Variants in CCDC88A observed in about 807,000 individuals in gnomAD.
CCDC88A encodes girdin.
CCDC88A carries 54 observed loss-of-function variants against 234.3 expected under a neutral mutation model. The ratio of observed to expected loss-of-function variants is 0.23; its 90% CI spans 0.19 to 0.29. CCDC88A has a LOEUF of 0.29. Ranked by LOEUF, CCDC88A falls within the 10% of genes least tolerant of loss-of-function variation. CCDC88A has a pLI of 1.00. For synonymous variants in CCDC88A, 753 were observed against 737.8 expected (o/e 1.02, Z -0.33); for missense variants, 1,832 against 2,123.4 (o/e 0.86, Z 2.70).
At chr2:55,319,724 A>G (rs1683390204) in intron 18 of CCDC88A, among the ~76,000 whole-genome samples, 1 of 152,164 alleles carries the variant, frequency 6.6e-6, no homozygotes, top group South Asian at 2.1e-4. Context: ...ATGAATTACT[A>G]TGTGAATCAA....
In CCDC88A at chr2:55,419,216, G is replaced by A; in HGVS notation, c.-137C>T. On this transcript the variant is annotated 5_prime_UTR_variant, in exon 1 of 33. Coordinates refer to ENST00000436346, the MANE Select transcript of CCDC88A (RefSeq NM_001365480.1). ...GAAAAATCCCATCGTGGAGGAGGGGGGCACTCTCCCTCCTCAAAAAACACC... is the reference window on the plus strand; with the variant it reads ...GAAAAATCCCATCGTGGAGGAGGGGAGCACTCTCCCTCCTCAAAAAACACC... 2 of 630,314 alleles carry A rather than the reference G, an allele frequency of 3.2e-6. No homozygotes were observed. The highest frequency in any genetic ancestry group is 5.6e-6 in the Non-Finnish European group (2 of 354,556). 39.0% of individuals were successfully genotyped at this position (630,314 alleles called of 1,614,324 possible). A position where few individuals can be genotyped will look rare whatever the true frequency, so the allele number is the denominator to read the frequency against.
chr2:55,346,021 C>G, intron 10 of CCDC88A, 154 bp downstream of exon 10: 4 of 513,090 alleles, frequency 7.8e-6, no homozygotes, highest in Non-Finnish European at 1.0e-5. Context: ...TAACTAAAAG[C>G]AATATGCTAA....
chr2:55,295,961 A>G lies in CCDC88A; in HGVS notation c.5187T>C (p.Cys1729=), dbSNP rs1679982368. ...DFLGKDKPVS[C]GLARSVSGKT... is the part of the protein sequence containing the mutation. ...TTCCACTTACTGACCTGGCCAGACC[A>G]CAGCTAACTGGTTTGTCTTTTCCCA... Residue 1729 remains cysteine, a synonymous_variant, in exon 31 of 33, where the codon TGT becomes TGC. Transcript: ENST00000436346. 6.2e-7 allele frequency: 1 copy of G among 1,614,072 alleles called. No homozygotes were observed. Among genetic ancestry groups the G allele is most frequent in the Non-Finnish European group, 8.5e-7 (1 of 1,179,972 alleles).
chr2:55,391,754 A>C (rs980347565), intron 2 of CCDC88A, among the ~76,000 whole-genome samples: 1 of 152,186 alleles, frequency 6.6e-6, no homozygotes, highest in African/African-American at 2.4e-5. Flanking sequence ...AGCTGAAATG[A>C]ATGAACAGAG....
At chr2:55,389,644 T>C (rs1323141411) in intron 2 of CCDC88A, among the ~76,000 whole-genome samples, 2 of 152,188 alleles carry the variant, frequency 1.3e-5, no homozygotes, top group Non-Finnish European at 2.9e-5. Flanking sequence ...TTTCCATAAT[T>C]CTCAAACTTT....
intron 13 of CCDC88A, chr2:55,338,897 T>G (rs1574172232): frequency 6.6e-6 from 1 of 152,046 alleles, no homozygotes; most frequent in South Asian, 2.1e-4. Flanking sequence ...CAAGAAGATA[T>G]GAGAGAACCA....
At chr2:55,401,290 T>G (rs757827533) in intron 2 of CCDC88A, among the ~76,000 whole-genome samples, 26 of 150,698 alleles carry the variant, frequency 1.7e-4, no homozygotes, top group Non-Finnish European at 3.0e-4. Context: ...TTTAATTAGC[T>G]GGGGACAGTG....
intron 2 of CCDC88A, among the ~76,000 whole-genome samples, chr2:55,399,243 T>G (rs529839371): frequency 2.0e-4 from 31 of 152,126 alleles, no homozygotes; most frequent in African/African-American, 7.0e-4. Context: ...TAAAAAAGTT[T>G]AAAAAGCTGT....
Position 55,344,071 on chromosome 2 carries a change from G to C in CCDC88A, c.1189-279C>G, listed in dbSNP as rs1574199980. On this transcript the variant is annotated intron_variant, in intron 11 of 32. Transcript: ENST00000436346. The stretch of plus-strand genomic sequence containing the variant: ...TACAACAAAAGAATTATGAACCAAT[G>C]CTAAATTTTAGCAATCAGATTTCTG... 44 of 361,488 alleles carry C rather than the reference G, an allele frequency of 1.2e-4. No individual in the cohort carries two copies. The East Asian group carries it at 2.0e-3, about 16-fold the overall frequency. 22.4% of individuals were successfully genotyped at this position (361,488 alleles called of 1,614,324 possible).
At chr2:55,300,916 C>G (rs1680823564) in intron 28 of CCDC88A, 2 of 271,324 alleles carry the variant, frequency 7.4e-6, no homozygotes, top group Non-Finnish European at 1.4e-5. Flanking sequence ...AAATGCAACT[C>G]TTATAACTTT....
At chr2:55,294,968 A>G in intron 31 of CCDC88A, 1 of 1,196,980 alleles carries the variant, frequency 8.4e-7, no homozygotes, top group Non-Finnish European at 1.1e-6. Context: ...ATAAAAACCT[A>G]GCCAAATGAT....
intron 3 of CCDC88A, among the ~76,000 whole-genome samples, chr2:55,380,089 A>T (rs1674351386): frequency 7.3e-6 from 1 of 136,564 alleles, no homozygotes; most frequent in Non-Finnish European, 1.6e-5. Context: ...AAAAAAAAAT[A>T]GCTGCATGTG....
intron 2 of CCDC88A, among the ~76,000 whole-genome samples, chr2:55,396,783 T>C (rs1011568489): frequency 3.7e-5 from 5 of 136,966 alleles, no homozygotes; most frequent in Admixed American, 8.7e-5. Context: ...GGCAGGAGAA[T>C]GGCATGAACC....
Position 55,309,105 on chromosome 2 carries a change from G to T in CCDC88A, c.4172+57C>A, listed in dbSNP as rs921963522. On this transcript the variant is annotated intron_variant, in intron 24 of 32. Transcript: ENST00000436346. The surrounding 1 kb of genome is among the most constrained non-coding windows in gnomAD (Gnocchi z 5.1). ...AAAAGTAGAAGTCATCACAATATTAGAAATAACCTAGTGTTTTTTTTCAGA... is the reference window on the plus strand; with the variant it reads ...AAAAGTAGAAGTCATCACAATATTATAAATAACCTAGTGTTTTTTTTCAGA... The T allele has an allele frequency of 7.0e-7, 1 of 1,434,076 alleles. No individual in the cohort carries two copies. Among genetic ancestry groups the T allele is most frequent in the African/African-American group, 1.4e-5 (1 of 70,548 alleles). 88.8% of individuals were successfully genotyped at this position (1,434,076 alleles called of 1,614,324 possible). A position where few individuals can be genotyped will look rare whatever the true frequency, so the allele number is the denominator to read the frequency against.
rs1681962034 is a variant in CCDC88A at position 55,419,310 on chromosome 2, C to T, written c.-231G>A. On this transcript the variant is annotated 5_prime_UTR_variant, in exon 1 of 33. Transcript: ENST00000436346. ...CGGACACCACGAGCAGCAGCCTGCG[C>T]TGGAAATGTCTGTACCGGGCGAGGA... The T allele has an allele frequency of 1.2e-5, 6 of 521,610 alleles. No homozygotes were observed. The South Asian group carries it at 1.3e-4, about 11-fold the overall frequency. 32.3% of individuals were successfully genotyped at this position (521,610 alleles called of 1,614,324 possible). A position where few individuals can be genotyped will look rare whatever the true frequency, so the allele number is the denominator to read the frequency against.
intron 3 of CCDC88A, among the ~76,000 whole-genome samples, chr2:55,377,280 C>G (rs1673823484): frequency 6.6e-6 from 1 of 150,462 alleles, no homozygotes; most frequent in Non-Finnish European, 1.5e-5. Flanking sequence ...TCATTGCAGC[C>G]TCGATCTCCC....
At chr2:55,327,829 C>G (rs949778378) in intron 17 of CCDC88A, among the ~76,000 whole-genome samples, 1 of 152,172 alleles carries the variant, frequency 6.6e-6, no homozygotes, top group Non-Finnish European at 1.5e-5. Flanking sequence ...TCAAATATCA[C>G]AAGGAAAACA....
intron 3 of CCDC88A, among the ~76,000 whole-genome samples, chr2:55,375,468 A>AATATATATATATAT (rs1558768191): frequency 7.7e-6 from 1 of 129,738 alleles, no homozygotes; most frequent in Admixed American, 7.8e-5. Context: ...CTGTCACTGT[A>AATATATATATATAT]CTATATATAT....
At chr2:55,372,560 C>G (rs373100726) in intron 4 of CCDC88A, 50 bp from the exon 5 acceptor site, 6 of 883,962 alleles carry the variant, frequency 6.8e-6, no homozygotes, top group Non-Finnish European at 1.1e-5. Context: ...ATTTTCAACT[C>G]TATTATATTT....
Sources: allele counts gnomAD v4.1 joint callset (sites outside exome capture counted in the v4.1 genomes callset), GRCh38; gene constraint gnomAD v4.1.1; non-coding constraint Gnocchi (gnomAD v3.1); transcripts MANE v1.5; gene names NCBI Gene and HGNC (gene_info 2026-07-23, HGNC 2026-07-21).